The following IQCM variants were observed in gnomAD, a reference collection of about 807,000 sequenced individuals.
IQCM encodes IQ motif containing M.
Under a neutral mutation model 57.6 loss-of-function variants are expected in IQCM, and 45 were observed. That is an observed-to-expected ratio of 0.78 (90% confidence interval 0.62 to 1.00). IQCM has a LOEUF of 1.00. Among genes scored for constraint, IQCM ranks in the 50% least tolerant of loss-of-function variants. IQCM has a pLI of 0.00. For missense variants in IQCM, 468 were observed against 511.6 expected (o/e 0.91, Z 0.82); for synonymous variants, 148 against 158.9 (o/e 0.93, Z 0.51).
intron 12 of IQCM, among the ~76,000 whole-genome samples, chr4:149,505,074 G>A (rs1743651453): frequency 6.6e-6 from 1 of 152,082 alleles, no homozygotes; most frequent in Non-Finnish European, 1.5e-5. Context: ...TGTCTATAGT[G>A]TTCTGTTATA....
At chr4:149,553,625 T>C (rs1749252224) in intron 10 of IQCM, among the ~76,000 whole-genome samples, 1 of 152,208 alleles carries the variant, frequency 6.6e-6, no homozygotes, top group African/African-American at 2.4e-5. Context: ...TAAGGTATTA[T>C]TCTGTAATAG....
At chr4:149,356,508 T>C (rs1355357343) in intron 13 of IQCM, among the ~76,000 whole-genome samples, 2 of 152,084 alleles carry the variant, frequency 1.3e-5, no homozygotes, top group Non-Finnish European at 2.9e-5. Flanking sequence ...GGGAATCCTT[T>C]CCCCATTGCT....
At chr4:149,480,345 A>T (rs1482762840) in intron 12 of IQCM, among the ~76,000 whole-genome samples, 1 of 152,118 alleles carries the variant, frequency 6.6e-6, no homozygotes, top group Admixed American at 6.6e-5. Flanking sequence ...GCTATCAAAT[A>T]CTAGGTCTTA....
intron 12 of IQCM, among the ~76,000 whole-genome samples, chr4:149,439,962 T>C (rs1017095571): frequency 5.4e-5 from 8 of 147,222 alleles, no homozygotes; most frequent in Non-Finnish European, 1.2e-4. Context: ...TTGCTATTCT[T>C]TTTTTTTTTT....
intron 2 of IQCM, among the ~76,000 whole-genome samples, chr4:149,788,104 C>T (rs568967392): frequency 1.3e-5 from 2 of 152,264 alleles, no homozygotes; most frequent in Admixed American, 6.5e-5. Context: ...GAGGCCAAGG[C>T]GGGCAGATCA....
At chr4:149,726,075 GAAAGAAAGAAA>G (rs1765873716) in intron 5 of IQCM, among the ~76,000 whole-genome samples, 1 of 46,774 alleles carries the variant, frequency 2.1e-5, no homozygotes, top group African/African-American at 6.3e-5. Flanking sequence ...CCCTCTAAAA[GAAAGAAAGAAA>G]GAAAGAAAGA....
chr4:149,505,538 A>G (rs1428612967), intron 12 of IQCM, among the ~76,000 whole-genome samples: 1 of 152,192 alleles, frequency 6.6e-6, no homozygotes, highest in Non-Finnish European at 1.5e-5. Flanking sequence ...ATGTTTTGAA[A>G]CACTGTCATA....
intron 13 of IQCM, among the ~76,000 whole-genome samples, chr4:149,410,300 C>T (rs1733286998): frequency 6.6e-6 from 1 of 152,026 alleles, no homozygotes. Context: ...TTAACTAATA[C>T]TATTTATAGT....
At chr4:149,551,450 A>C (rs1379106340) in intron 11 of IQCM, among the ~76,000 whole-genome samples, 1 of 152,220 alleles carries the variant, frequency 6.6e-6, no homozygotes, top group Non-Finnish European at 1.5e-5. Context: ...TCATGAAAAG[A>C]AAGTAAAGCT....
chr4:149,764,010 T>C (rs1289166115), intron 2 of IQCM, among the ~76,000 whole-genome samples: 2 of 151,984 alleles, frequency 1.3e-5, no homozygotes, highest in African/African-American at 2.4e-5. Flanking sequence ...AATCCTCAAA[T>C]TACCTTGTGA....
chr4:149,550,251 T>G (rs1748898498), intron 11 of IQCM, among the ~76,000 whole-genome samples: 1 of 152,216 alleles, frequency 6.6e-6, no homozygotes, highest in Non-Finnish European at 1.5e-5. Context: ...TAAGCTTCAG[T>G]TGTCCAGGTA....
At chr4:149,713,744 T>C (rs946675063) in intron 5 of IQCM, among the ~76,000 whole-genome samples, 6 of 146,896 alleles carry the variant, frequency 4.1e-5, no homozygotes, top group Non-Finnish European at 9.0e-5. Context: ...GAAAATATTT[T>C]ACATTCCCAT....
chr4:149,494,353 T>C (rs1311383965), intron 12 of IQCM, among the ~76,000 whole-genome samples: 1 of 152,120 alleles, frequency 6.6e-6, no homozygotes, highest in Non-Finnish European at 1.5e-5. Flanking sequence ...CGTGTCTCAA[T>C]ACAATTGCAT....
At chr4:149,601,572 A>G (rs532131652) in intron 8 of IQCM, among the ~76,000 whole-genome samples, 12 of 152,230 alleles carry the variant, frequency 7.9e-5, no homozygotes, top group African/African-American at 2.6e-4. Flanking sequence ...CCACCTCCAC[A>G]ACAACCAACA....
intron 10 of IQCM, among the ~76,000 whole-genome samples, chr4:149,560,654 T>A (rs1404553039): frequency 6.6e-6 from 1 of 152,198 alleles, no homozygotes; most frequent in Non-Finnish European, 1.5e-5. Flanking sequence ...TATAGCAATC[T>A]CTGTGGTCTT....
At chr4:149,722,947 T>C (rs1282107276) in intron 5 of IQCM, among the ~76,000 whole-genome samples, 2 of 152,096 alleles carry the variant, frequency 1.3e-5, no homozygotes, top group East Asian at 3.8e-4. Flanking sequence ...TTTCTATTTA[T>C]TTCTGTCATT....
intron 7 of IQCM, among the ~76,000 whole-genome samples, chr4:149,622,603 G>A (rs527692143): frequency 3.9e-5 from 6 of 152,080 alleles, no homozygotes; most frequent in Non-Finnish European, 5.9e-5. Context: ...GGCCAATAAC[G>A]AGTAGCTTGT....
chr4:149,617,361 C>A (rs933488273), intron 8 of IQCM, among the ~76,000 whole-genome samples: 1 of 152,108 alleles, frequency 6.6e-6, no homozygotes, highest in African/African-American at 2.4e-5. Flanking sequence ...AAAGGGGAAT[C>A]CTTACTAAAA....
chr4:149,749,066 A>G (rs1437955611), intron 2 of IQCM, among the ~76,000 whole-genome samples: 6 of 152,188 alleles, frequency 3.9e-5, no homozygotes, highest in Non-Finnish European at 1.5e-5. Context: ...TAAAAATACC[A>G]AATGTTGAGA....
Sources: gnomAD v4.1 joint callset for allele counts (sites outside exome capture counted in the v4.1 genomes callset) on GRCh38, gnomAD v4.1.1 for gene constraint, MANE v1.5 for transcripts, NCBI Gene and HGNC (gene_info 2026-07-23, HGNC 2026-07-21) for gene names.